The following DDX21 variants were observed in gnomAD, a reference collection of about 807,000 sequenced individuals.
DDX21 encodes the protein nucleolar RNA helicase 2.
DDX21 carries 18 observed loss-of-function variants against 90.0 expected under a neutral mutation model. The observed-to-expected ratio is 0.20, with a 90% confidence interval of 0.14 to 0.30. The LOEUF is 0.30. Among genes scored for constraint, DDX21 ranks in the 10% least tolerant of loss-of-function variants. The pLI, the probability that DDX21 is intolerant of heterozygous loss-of-function variation, is 1.00. For missense variants in DDX21, 673 were observed against 944.5 expected (o/e 0.71, Z 3.77); for synonymous variants, 294 against 318.0 (o/e 0.92, Z 0.80).
At chr10:68,969,749 T>TA (rs1168863738) in intron 7 of DDX21, among the ~76,000 whole-genome samples, 1 of 152,348 alleles carries the variant, frequency 6.6e-6, no homozygotes, top group East Asian at 1.9e-4. Flanking sequence ...TGTTGAAGTT[T>TA]AAAATTTCAC....
rs201665932 is a variant in DDX21 at position 68,970,195 on chromosome 10, C to A, written c.1237-6C>A. On this transcript the variant is annotated splice_polypyrimidine_tract_variant and splice_region_variant and intron_variant, in intron 7 of 14. Transcript: ENST00000354185. ...TAAATAGATGTTTTTTTTCTTCTTACATAAGCATCTGGCTATTAAGTGCCA... is the reference window on the plus strand; with the variant it reads ...TAAATAGATGTTTTTTTTCTTCTTAAATAAGCATCTGGCTATTAAGTGCCA... 1.3e-6 allele frequency: 2 copies of A among 1,590,722 alleles called. No individual in the cohort carries two copies. Among genetic ancestry groups the A allele is most frequent in the Non-Finnish European group, 1.7e-6 (2 of 1,172,578 alleles).
chr10:68,984,723 T>C lies in DDX21; in HGVS notation c.*1911T>C, dbSNP rs1164135086. 2.0e-5 allele frequency: 3 copies of C among 152,188 alleles called. No individual in the cohort carries two copies. The highest frequency in any genetic ancestry group is 7.2e-5 in the African/African-American group (3 of 41,444). 9.4% of individuals were successfully genotyped at this position (152,188 alleles called of 1,614,324 possible). On this transcript the variant is annotated 3_prime_UTR_variant, in exon 15 of 15. Transcript: ENST00000354185. ...GGATTTAGCCTAAAGAAAAATAATC[T>C]GGCATAAATTAAGAGTAAGAGAGAA...
chr10:68,973,336 C>G (rs1843052553), intron 9 of DDX21, among the ~76,000 whole-genome samples: 1 of 152,156 alleles, frequency 6.6e-6, no homozygotes, highest in South Asian at 2.1e-4. Flanking sequence ...AGACAATGCT[C>G]TTTGTAAATT....
rs759682699 is a variant in DDX21 at position 68,963,317 on chromosome 10, A to G, written c.634A>G (p.Ile212Val). 7.1e-5 allele frequency: 115 copies of G among 1,613,156 alleles called. No individual in the cohort carries two copies. The highest frequency in any genetic ancestry group is 9.4e-5 in the Non-Finnish European group (111 of 1,179,726). The change falls in exon 4 of 15, where the codon ATA (isoleucine) becomes GTA (valine). Residue 212 changes from isoleucine to valine, a missense_variant. Ile to Val is a conservative substitution (Grantham distance 29). Coordinates refer to ENST00000354185, the MANE Select transcript of DDX21 (RefSeq NM_004728.4). ...CCGAGGAGTGACCTTCCTATTTCCT[A>G]TACAAGCAAAGACATTCCATCATGT... is the stretch of plus-strand genomic sequence containing the variant. ...KGRGVTFLFPIQAKTFHHVYS... is the reference protein window; with the variant it reads ...KGRGVTFLFPVQAKTFHHVYS...
chr10:68,959,531 G>A (rs1212862792), intron 1 of DDX21, among the ~76,000 whole-genome samples: 2 of 152,066 alleles, frequency 1.3e-5, no homozygotes, highest in Non-Finnish European at 2.9e-5. Context: ...TGACCCACAT[G>A]AGTTGAATAG....
rs116332816 is a variant in DDX21 at position 68,963,354 on chromosome 10, A to G, written c.671A>G (p.Lys224Arg). 948 of 1,614,176 alleles carry G rather than the reference A, an allele frequency of 5.9e-4. 4 individuals carry two copies. The African/African-American group carries it at 0.011, about 19-fold the overall frequency. The part of the protein sequence containing the change: ...AKTFHHVYSG[K>R]DLIAQARTGT... ...ACATTCCATCATGTTTACAGCGGGA[A>G]GGACTTAATTGCACAGGCACGGACA... Residue 224 changes from lysine (K) to arginine (R), a missense_variant, in exon 4 of 15, where the codon AAG (lysine) becomes AGG (arginine). By Grantham distance (26) the Lys-to-Arg change is conservative. Transcript: ENST00000354185.
chr10:68,963,199 G>A, intron 3 of DDX21, 92 bp from the exon 4 acceptor site: 2 of 1,294,736 alleles, frequency 1.5e-6, no homozygotes, highest in South Asian at 1.5e-5. Context: ...AATTCTGCAG[G>A]ACCAGAAGCA....
Position 68,956,665 on chromosome 10 carries a change from G to C in DDX21, c.87+353G>C, listed in dbSNP as rs972107210. On this transcript the variant is annotated intron_variant, in intron 1 of 14. Coordinates refer to ENST00000354185, the MANE Select transcript of DDX21 (RefSeq NM_004728.4). ...GCGCCTCACACAGTGCGCAGAGTTGGACCTTCAGTCAGGCTCCACGTTGTT... is the reference window on the plus strand; with the variant it reads ...GCGCCTCACACAGTGCGCAGAGTTGCACCTTCAGTCAGGCTCCACGTTGTT... 5 of 1,109,680 alleles carry C rather than the reference G, an allele frequency of 4.5e-6. No individual in the cohort carries two copies. In the East Asian group the frequency reaches 3.0e-4, roughly 67 times the overall value. The allele number at this position is 1,109,680 out of a possible 1,614,324, so 68.7% of individuals were successfully genotyped here. A position where few individuals can be genotyped will look rare whatever the true frequency, so the allele number is the denominator to read the frequency against.
chr10:68,969,480 A>G (rs1842991023), intron 7 of DDX21, among the ~76,000 whole-genome samples: 2 of 152,268 alleles, frequency 1.3e-5, no homozygotes, highest in African/African-American at 4.8e-5. Context: ...GGGTTTCACC[A>G]TGTTGGCCAG....
chr10:68,974,870 G>C, intron 11 of DDX21, 127 bp downstream of exon 11: 1 of 658,740 alleles, frequency 1.5e-6, no homozygotes, highest in Non-Finnish European at 2.5e-6. Flanking sequence ...GTCTCACTAT[G>C]TTGCCCAGGC....
In DDX21 at chr10:68,959,841, T is replaced by C; in HGVS notation, c.123T>C (p.Thr41=). 1 of 1,571,762 alleles carries C rather than the reference T, an allele frequency of 6.4e-7. No homozygotes were observed. The highest frequency in any genetic ancestry group is 1.4e-5 in the African/African-American group (1 of 72,302). ...AAGAGAAGCCAAAATCTGATAAGAC[T>C]GAAGAGATAGCAGAAGAGGAAGAAA... The part of the protein sequence containing the change: ...EKKEKPKSDK[T]EEIAEEEETV... The change falls in exon 2 of 15, where the codon ACT becomes ACC. Residue 41 remains threonine (T), a synonymous_variant. Transcript: ENST00000354185.
At chr10:68,977,070 C>T (rs1205072247) in intron 11 of DDX21, among the ~76,000 whole-genome samples, 3 of 151,950 alleles carry the variant, frequency 2.0e-5, no homozygotes, top group African/African-American at 7.3e-5. Context: ...GCCACCACAC[C>T]CAGCTTTTTT....
At chr10:68,980,832 C>CAAAA (rs11340675) in intron 13 of DDX21, among the ~76,000 whole-genome samples, 3 of 99,646 alleles carry the variant, frequency 3.0e-5, no homozygotes, top group Non-Finnish European at 4.2e-5. Flanking sequence ...CTGTCTCTAC[C>CAAAA]AAAAAAAAAA....
chr10:68,977,453 T>C (rs1001917133), intron 11 of DDX21, 76 bp from the exon 12 acceptor site: 1 of 1,376,740 alleles, frequency 7.3e-7, no homozygotes, highest in African/African-American at 1.4e-5. Context: ...AAGTTACTCA[T>C]TTATCTTGAG....
In DDX21 at chr10:68,972,045, C is replaced by T; in HGVS notation, c.1541C>T (p.Pro514Leu). The T allele has an allele frequency of 6.2e-7, 1 of 1,613,408 alleles. No homozygotes were observed. Among genetic ancestry groups the T allele is most frequent in the South Asian group, 1.1e-5 (1 of 91,010 alleles). ...GTTGATTTGGTTATACAAAGCTCTC[C>T]ACCAAAGGTATGTGCTTTATGCTTA... is the stretch of plus-strand genomic sequence containing the variant. ...PEVDLVIQSS[P>L]PKDVESYIHR... The change falls in exon 9 of 15, where the codon CCA (proline) becomes CTA (leucine). Residue 514 changes from proline (P) to leucine (L), a missense_variant. Pro to Leu is a moderately conservative substitution (Grantham distance 98). Transcript: ENST00000354185.
chr10:68,970,812 C>T (rs1325067181), intron 8 of DDX21, among the ~76,000 whole-genome samples: 1 of 152,006 alleles, frequency 6.6e-6, no homozygotes, highest in Non-Finnish European at 1.5e-5. Context: ...GCCAGCATGC[C>T]CAGCTAATTT....
Position 68,967,078 on chromosome 10 carries a change from A to G in DDX21, c.965A>G (p.His322Arg), listed in dbSNP as rs760824790. The G allele has an allele frequency of 6.2e-7, 1 of 1,612,784 alleles. No individual in the cohort carries two copies. Among genetic ancestry groups the G allele is most frequent in the Non-Finnish European group, 8.5e-7 (1 of 1,179,712 alleles). Residue 322 changes from histidine to arginine, a missense_variant, in exon 6 of 15, where the codon CAC becomes CGC. Physicochemically the swap from His to Arg is conservative, Grantham distance 29 (BLOSUM62 0). Transcript: ENST00000354185. ...GGAACACCAGGTCGTATCAAAGACC[A>G]CATACAGAATGGCAAACTAGATCTC... Reference protein sequence around the residue: ...LVGTPGRIKDHIQNGKLDLTK... With the variant: ...LVGTPGRIKDRIQNGKLDLTK...
At position 68,983,025 on chromosome 10, in the gene DDX21, C is replaced by G; in HGVS notation, c.*213C>G. On this transcript the variant is annotated 3_prime_UTR_variant, in exon 15 of 15. Coordinates refer to ENST00000354185, the MANE Select transcript of DDX21 (RefSeq NM_004728.4). ...TATTGTTACTTCTTCATCAGTTTTT[C>G]CTTTTGAAAGGTGTATGAATTCATT... 1.5e-6 allele frequency: 1 copy of G among 656,536 alleles called. No individual in the cohort carries two copies. Among genetic ancestry groups the G allele is most frequent in the Non-Finnish European group, 2.5e-6 (1 of 396,414 alleles). 40.7% of individuals were successfully genotyped at this position (656,536 alleles called of 1,614,324 possible).
chr10:68,956,707 C>G, intron 1 of DDX21: 3 of 1,032,774 alleles, frequency 2.9e-6, no homozygotes, highest in Non-Finnish European at 2.3e-6. Context: ...GACAGAACTC[C>G]CGGCATGAGC....
Sources: allele counts gnomAD v4.1 joint callset (sites outside exome capture counted in the v4.1 genomes callset), GRCh38; gene constraint gnomAD v4.1.1; transcripts MANE v1.5; gene names NCBI Gene and HGNC (gene_info 2026-07-23, HGNC 2026-07-21).